Variants in DACH2 observed in about 807,000 individuals in gnomAD.
DACH2 encodes dachshund family transcription factor 2.
DACH2 carries 17 observed loss-of-function variants against 35.8 expected under a neutral mutation model. That is an observed-to-expected ratio of 0.48 (90% CI 0.33 to 0.71). DACH2 has a LOEUF of 0.71. Among genes scored for constraint, DACH2 ranks in the 30% least tolerant of loss-of-function variants. The probability of loss-of-function intolerance (pLI) is 0.02; values close to 1 mark genes in which losing one functional copy is unlikely to be tolerated. For synonymous variants in DACH2, 195 were observed against 177.3 expected, an observed-to-expected ratio of 1.10 and a Z score of -0.79; for missense variants, 469 against 472.7, an observed-to-expected ratio of 0.99 and a Z score of 0.07.
intron 11 of DACH2, chrX:86,827,725 G>A (rs766448090): frequency 9.3e-5 from 106 of 1,137,908 alleles, no homozygotes; most frequent in Admixed American, 3.7e-4. Flanking sequence ...TTCTTTGTTC[G>A]AATGAAATTT....
chrX:86,574,955 A>C (rs2039418208), intron 3 of DACH2, among the ~76,000 whole-genome samples: 1 of 111,931 alleles, frequency 8.9e-6, no homozygotes, highest in Admixed American at 9.6e-5. Flanking sequence ...TCTCATGGTA[A>C]AACAAAAATA....
chrX:86,178,788 A>G (rs778012808), intron 1 of DACH2, among the ~76,000 whole-genome samples: 26 of 111,985 alleles, frequency 2.3e-4, no homozygotes, highest in South Asian at 1.1e-3. Flanking sequence ...GCTTGACACA[A>G]TAAGATCATA....
chrX:86,166,585 G>T (rs1291039430), intron 1 of DACH2, among the ~76,000 whole-genome samples: 1 of 110,888 alleles, frequency 9.0e-6, no homozygotes, highest in Non-Finnish European at 1.9e-5. Context: ...CTCTAGCTAG[G>T]CCTTCCAGTA....
intron 7 of DACH2, among the ~76,000 whole-genome samples, chrX:86,801,972 A>G (rs2042298596): frequency 8.9e-6 from 1 of 112,032 alleles, no homozygotes. Context: ...TAGAAAACCA[A>G]CTGGTTGATA....
chrX:86,601,978 A>G (rs1252409829), intron 3 of DACH2, among the ~76,000 whole-genome samples: 1 of 112,346 alleles, frequency 8.9e-6, no homozygotes, highest in Non-Finnish European at 1.9e-5. Flanking sequence ...ACAAAAATAA[A>G]CATAAAGAAT....
intron 4 of DACH2, among the ~76,000 whole-genome samples, chrX:86,686,505 A>C (rs1243713910): frequency 9.0e-6 from 1 of 111,058 alleles, no homozygotes; most frequent in East Asian, 2.8e-4. Context: ...CGCTGGGATC[A>C]CAGGTATGAG....
intron 1 of DACH2, among the ~76,000 whole-genome samples, chrX:86,225,260 G>T (rs989260874): frequency 4.5e-5 from 5 of 111,091 alleles, no homozygotes; most frequent in Admixed American, 9.6e-5. Context: ...ATTTTGTTGA[G>T]ATTTTGTTTC....
intron 2 of DACH2, among the ~76,000 whole-genome samples, chrX:86,382,600 C>A (rs769026156): frequency 1.4e-4 from 15 of 110,389 alleles, no homozygotes; most frequent in Non-Finnish European, 1.5e-4. Context: ...ACGAGTGAAG[C>A]TTCTACTTAT....
intron 3 of DACH2, among the ~76,000 whole-genome samples, chrX:86,611,611 C>A (rs2039945383): frequency 9.0e-6 from 1 of 111,466 alleles, no homozygotes; most frequent in African/African-American, 3.3e-5. Context: ...AGGGAGATTT[C>A]CCTCTGGCTA....
chrX:86,429,968 A>G (rs771702809), intron 2 of DACH2, among the ~76,000 whole-genome samples: 19 of 112,379 alleles, frequency 1.7e-4, no homozygotes, highest in African/African-American at 5.8e-4. Context: ...GGAAAATGTG[A>G]ATTTTCTGTT....
chrX:86,564,850 G>A (rs2039274394), intron 3 of DACH2, among the ~76,000 whole-genome samples: 2 of 111,124 alleles, frequency 1.8e-5, no homozygotes, highest in African/African-American at 6.5e-5. Context: ...GAAGCACAGG[G>A]AATATTAGTG....
intron 6 of DACH2, among the ~76,000 whole-genome samples, chrX:86,734,884 A>C (rs766239546): frequency 5.4e-5 from 6 of 111,964 alleles, no homozygotes; most frequent in Non-Finnish European, 1.1e-4. Flanking sequence ...AAGCATATCA[A>C]TTAAATATGA....
intron 2 of DACH2, among the ~76,000 whole-genome samples, chrX:86,475,329 G>T (rs2037825146): frequency 1.8e-5 from 2 of 111,276 alleles, no homozygotes; most frequent in Admixed American, 9.6e-5. Context: ...CCATGAAAAG[G>T]AATATCTTTT....
At chrX:86,249,673 C>T (rs2033361228) in intron 1 of DACH2, among the ~76,000 whole-genome samples, 1 of 111,323 alleles carries the variant, frequency 9.0e-6, no homozygotes, top group Non-Finnish European at 1.9e-5. Flanking sequence ...AACATATCTA[C>T]CACTTGGCAC....
At chrX:86,326,584 A>G (rs1762043557) in intron 1 of DACH2, among the ~76,000 whole-genome samples, 1 of 110,009 alleles carries the variant, frequency 9.1e-6, no homozygotes, top group African/African-American at 3.3e-5. Flanking sequence ...GTTTTGTTGC[A>G]AAGGTATATT....
At chrX:86,624,372 A>T (rs181770977) in intron 3 of DACH2, among the ~76,000 whole-genome samples, 1 of 112,146 alleles carries the variant, frequency 8.9e-6, no homozygotes, top group Non-Finnish European at 1.9e-5. Context: ...ATGGCAATTT[A>T]AAAAAATGGC....
intron 3 of DACH2, among the ~76,000 whole-genome samples, chrX:86,592,842 A>T (rs2039664613): frequency 8.9e-6 from 1 of 112,032 alleles, no homozygotes; most frequent in Non-Finnish European, 1.9e-5. Flanking sequence ...GTATAGAGGA[A>T]AGCAGTTGAG....
At chrX:86,814,939 G>A in intron 10 of DACH2, 105 bp downstream of exon 10, 2 of 872,404 alleles carry the variant, frequency 2.3e-6, no homozygotes, top group Non-Finnish European at 3.1e-6. Context: ...AGAAAGGAAG[G>A]GAGAGAGGGA....
chrX:86,651,977 G>T (rs966302509), intron 4 of DACH2, among the ~76,000 whole-genome samples: 1 of 111,675 alleles, frequency 9.0e-6, no homozygotes, highest in Non-Finnish European at 1.9e-5. Flanking sequence ...ACATGTTCAG[G>T]TTTGTTAAAT....
Sources: gnomAD v4.1 joint callset for allele counts (sites outside exome capture counted in the v4.1 genomes callset) on GRCh38, gnomAD v4.1.1 for gene constraint, MANE v1.5 for transcripts, NCBI Gene and HGNC (gene_info 2026-07-23, HGNC 2026-07-21) for gene names.